Variants in CFTR observed in about 807,000 individuals in gnomAD.
CFTR encodes the protein cystic fibrosis transmembrane conductance regulator.
In CFTR, 181 loss-of-function variants were observed where a neutral mutation model predicts 171.6. The ratio of observed to expected loss-of-function variants is 1.05; its 90% CI spans 0.93 to 1.19. CFTR has a LOEUF of 1.19. CFTR is among the 50% of genes most tolerant of loss of function. The probability of loss-of-function intolerance (pLI) is 0.00; values close to 1 mark genes in which losing one functional copy is unlikely to be tolerated. For synonymous variants in CFTR, 583 were observed against 608.0 expected, an observed-to-expected ratio of 0.96 and a Z score of 0.60; for missense variants, 1,968 against 1,734.7, an observed-to-expected ratio of 1.13 and a Z score of -2.39.
intron 7 of CFTR, among the ~76,000 whole-genome samples, chr7:117,537,608 G>A (rs992290346): frequency 9.2e-5 from 14 of 152,138 alleles, no homozygotes; most frequent in African/African-American, 3.4e-4. Context: ...AGTGTACAAT[G>A]GAAACTGAGC....
chr7:117,481,810 G>A (rs1326115795), intron 1 of CFTR, among the ~76,000 whole-genome samples: 3 of 152,186 alleles, frequency 2.0e-5, no homozygotes, highest in African/African-American at 7.2e-5. Context: ...TCTGCATTAA[G>A]TTAGGCAGTA....
chr7:117,526,213 C>T (rs1049518943), intron 3 of CFTR, among the ~76,000 whole-genome samples: 1 of 151,424 alleles, frequency 6.6e-6, no homozygotes, highest in Admixed American at 6.6e-5. Flanking sequence ...GAATCTCACT[C>T]AAAGCCGCTC....
At chr7:117,512,116 T>C (rs2116645685) in intron 3 of CFTR, among the ~76,000 whole-genome samples, 1 of 152,306 alleles carries the variant, frequency 6.6e-6, no homozygotes, top group South Asian at 2.1e-4. Context: ...AAATATTTGC[T>C]TGGTTTCAGG....
intron 23 of CFTR, among the ~76,000 whole-genome samples, chr7:117,650,011 T>C (rs1395708135): frequency 2.0e-5 from 3 of 151,946 alleles, no homozygotes; most frequent in African/African-American, 7.3e-5. Context: ...AAAGCTAGTG[T>C]GGTGGCAGGA....
chr7:117,505,525 G>C (rs899793886), intron 2 of CFTR, among the ~76,000 whole-genome samples: 1 of 152,026 alleles, frequency 6.6e-6, no homozygotes, highest in Non-Finnish European at 1.5e-5. Flanking sequence ...ACATAAAGTG[G>C]GTCCCTGGTT....
At position 117,666,977 on chromosome 7, in the gene CFTR, C is replaced by T. The variant is rs397508711; in HGVS notation, c.4312C>T (p.Arg1438Trp). 12 of 1,613,914 alleles carry T rather than the reference C, an allele frequency of 7.4e-6. No homozygotes were observed. Among genetic ancestry groups the T allele is most frequent in the South Asian group, 4.4e-5 (4 of 91,088 alleles). The change falls in exon 27 of 27, where the codon CGG (arginine) becomes TGG (tryptophan). Residue 1438 changes from arginine to tryptophan, a missense_variant. Transcript: ENST00000003084. ...QKLLNERSLF[R>W]QAISPSDRVK... ...ACTGCTGAACGAGAGGAGCCTCTTC[C>T]GGCAAGCCATCAGCCCCTCCGACAG...
intron 20 of CFTR, among the ~76,000 whole-genome samples, chr7:117,612,041 A>G (rs907299571): frequency 1.9e-4 from 14 of 74,062 alleles, no homozygotes; most frequent in African/African-American, 8.3e-4. Context: ...ATATATATAT[A>G]TATATATATA....
chr7:117,516,634 C>G (rs1798600099), intron 3 of CFTR, among the ~76,000 whole-genome samples: 1 of 151,952 alleles, frequency 6.6e-6, no homozygotes, highest in Admixed American at 6.6e-5. Context: ...GTCTAACTGT[C>G]TAGTTCAAAT....
intron 10 of CFTR, among the ~76,000 whole-genome samples, chr7:117,557,803 T>G (rs1266462690): frequency 6.6e-6 from 1 of 152,162 alleles, no homozygotes; most frequent in Non-Finnish European, 1.5e-5. Flanking sequence ...TCACCTGAAG[T>G]CTTTTCCTCT....
rs1242962476 is a variant in CFTR at position 117,610,778 on chromosome 7, T to A, written c.3139+109T>A. The A allele has an allele frequency of 2.6e-6, 3 of 1,137,360 alleles. No individual in the cohort carries two copies. The African/African-American group carries it at 4.7e-5, about 18-fold the overall frequency. The allele number at this position is 1,137,360 out of a possible 1,614,324, so 70.5% of individuals were successfully genotyped here. On this transcript the variant is annotated intron_variant, in intron 19 of 26. Transcript: ENST00000003084. ...AAAATTCTGCTTTTAAACTTTTACA[T>A]CATATAACAATAATTTTTTTCTACA...
rs1041438523 is a variant in CFTR at position 117,649,464 on chromosome 7, A to C, written c.3874-3378A>C. 4.7e-5 allele frequency among the ~76,000 whole-genome samples: 7 copies of C among 147,896 alleles called. No homozygotes were observed. In the South Asian group the frequency reaches 1.5e-3, roughly 31 times the overall value. ...CATATGTACATATACATACATGCAT[A>C]TATCTGTACATATATATATAGTGTG... On this transcript the variant is annotated intron_variant, in intron 23 of 26. Coordinates refer to ENST00000003084, the MANE Select transcript of CFTR (RefSeq NM_000492.4).
In CFTR at chr7:117,662,006, A is replaced by AC. The variant is rs1293235027; in HGVS notation, c.3964-2679dup. 7.0e-5 allele frequency among the ~76,000 whole-genome samples: 9 copies of AC among 127,996 alleles called. No homozygotes were observed. The South Asian group carries it at 1.8e-3, about 25-fold the overall frequency. The allele number at this position is 127,996 out of a possible 152,430, so 84.0% of individuals were successfully genotyped here. ...CTGAAAAAAAAAAAAAAAAAAAAAA[A>AC]CCCTCAAATACTGCTGATTGATCTA... On this transcript the variant is annotated intron_variant, in intron 24 of 26. Transcript: ENST00000003084.
At chr7:117,568,345 A>G (rs142017234) in intron 11 of CFTR, among the ~76,000 whole-genome samples, 76 of 152,138 alleles carry the variant, frequency 5.0e-4, no homozygotes, top group Non-Finnish European at 1.0e-3. Flanking sequence ...TTTTACAAAG[A>G]TTGTCATTGA....
At chr7:117,531,829 C>T (rs1562889618) in intron 4 of CFTR, among the ~76,000 whole-genome samples, 1 of 152,108 alleles carries the variant, frequency 6.6e-6, no homozygotes, top group Non-Finnish European at 1.5e-5. Context: ...CTTGGATCTG[C>T]AAAGTCATTA....
At chr7:117,572,051 G>A (rs1242288333) in intron 11 of CFTR, among the ~76,000 whole-genome samples, 1 of 152,006 alleles carries the variant, frequency 6.6e-6, no homozygotes, top group East Asian at 1.9e-4. Context: ...GTCCAGGCTG[G>A]AGTGCAGTGG....
intron 6 of CFTR, among the ~76,000 whole-genome samples, chr7:117,535,834 TA>T (rs1236987202): frequency 6.6e-6 from 1 of 152,158 alleles, no homozygotes; most frequent in African/African-American, 2.4e-5. Flanking sequence ...GCGCCCGGCC[TA>T]AAAAATACTT....
At chr7:117,497,362 A>T (rs1798255712) in intron 1 of CFTR, among the ~76,000 whole-genome samples, 1 of 152,192 alleles carries the variant, frequency 6.6e-6, no homozygotes, top group African/African-American at 2.4e-5. Context: ...TGGTGCTTTG[A>T]AAATTAAACC....
chr7:117,539,222 G>A (rs180994798), intron 7 of CFTR, among the ~76,000 whole-genome samples: 2 of 152,214 alleles, frequency 1.3e-5, no homozygotes, highest in East Asian at 3.9e-4. Context: ...TGCACTCCCT[G>A]TTTTCTGTCT....
At position 117,540,154 on chromosome 7, in the gene CFTR, A is replaced by G. The variant is rs1799024864; in HGVS notation, c.924A>G (p.Ser308=). The change falls in exon 8 of 27, where the codon TCA becomes TCG. Residue 308 remains serine (S), a synonymous_variant. Coordinates refer to ENST00000003084, the MANE Select transcript of CFTR (RefSeq NM_000492.4). The part of the protein sequence containing the change: ...KAAYVRYFNS[S]AFFFSGFFVV... ...CCTATGTGAGATACTTCAATAGCTC[A>G]GCCTTCTTCTTCTCAGGGTTCTTTG... 1 of 1,613,408 alleles carries G rather than the reference A, an allele frequency of 6.2e-7. No individual in the cohort carries two copies. Among genetic ancestry groups the G allele is most frequent in the South Asian group, 1.1e-5 (1 of 91,072 alleles).
Sources: gnomAD v4.1 joint callset for allele counts (sites outside exome capture counted in the v4.1 genomes callset) on GRCh38, gnomAD v4.1.1 for gene constraint, MANE v1.5 for transcripts, NCBI Gene and HGNC (gene_info 2026-07-23, HGNC 2026-07-21) for gene names.